The following PLA2R1 variants were observed in gnomAD, a reference collection of about 807,000 sequenced individuals.
The protein encoded by PLA2R1 is secretory phospholipase A2 receptor.
Under a neutral mutation model 195.9 loss-of-function variants are expected in PLA2R1, and 158 were observed. The observed-to-expected ratio is 0.81, with a 90% CI of 0.71 to 0.92. The LOEUF (loss-of-function observed/expected upper bound fraction) is 0.92. PLA2R1 is among the 40% of genes least tolerant of loss of function. PLA2R1 has a pLI of 0.00. For missense variants in PLA2R1, 1,626 were observed against 1,764.6 expected (o/e 0.92, Z 1.41); for synonymous variants, 586 against 598.2 (o/e 0.98, Z 0.30).
intron 11 of PLA2R1, among the ~76,000 whole-genome samples, chr2:159,995,867 A>C (rs1691176249): frequency 6.6e-6 from 1 of 152,050 alleles, no homozygotes; most frequent in Admixed American, 6.6e-5. Flanking sequence ...ATCCTACACC[A>C]CAGTGGTACA....
intron 3 of PLA2R1, among the ~76,000 whole-genome samples, chr2:160,038,785 T>A (rs1694331135): frequency 6.6e-6 from 1 of 152,186 alleles, no homozygotes; most frequent in African/African-American, 2.4e-5. Context: ...ATAGCATTGC[T>A]GAGCCATGTT....
At chr2:160,049,137 G>A (rs975113948) in intron 1 of PLA2R1, among the ~76,000 whole-genome samples, 8 of 152,116 alleles carry the variant, frequency 5.3e-5, no homozygotes, top group Admixed American at 6.5e-5. Context: ...CACCGCGCCC[G>A]GCCAGAAGAA....
At chr2:160,032,140 G>A (rs928819297) in intron 4 of PLA2R1, among the ~76,000 whole-genome samples, 2 of 152,220 alleles carry the variant, frequency 1.3e-5, no homozygotes, top group Non-Finnish European at 2.9e-5. Context: ...TGTTTTTGCA[G>A]AGAAACACAG....
chr2:160,059,267 C>T (rs1695788794), intron 1 of PLA2R1, among the ~76,000 whole-genome samples: 1 of 152,182 alleles, frequency 6.6e-6, no homozygotes, highest in African/African-American at 2.4e-5. Flanking sequence ...AGGCCACAAA[C>T]TGGTAGGTGG....
chr2:160,011,282 T>A (rs1018004920), intron 10 of PLA2R1, among the ~76,000 whole-genome samples: 3 of 152,212 alleles, frequency 2.0e-5, no homozygotes, highest in African/African-American at 7.2e-5. Flanking sequence ...ATCTGTAATG[T>A]CACTGTGAGT....
intron 17 of PLA2R1, among the ~76,000 whole-genome samples, chr2:159,971,827 A>G (rs1689210056): frequency 1.3e-5 from 2 of 152,202 alleles, no homozygotes; most frequent in Admixed American, 1.3e-4. Context: ...TCTAATTTAT[A>G]AACAGGTATT....
intron 3 of PLA2R1, among the ~76,000 whole-genome samples, chr2:160,035,106 A>C (rs559504127): frequency 6.6e-6 from 1 of 152,318 alleles, no homozygotes; most frequent in African/African-American, 2.4e-5. Flanking sequence ...ATGTATATGC[A>C]AATATCCTAA....
chr2:159,954,465 C>T (rs1251931061), intron 23 of PLA2R1, among the ~76,000 whole-genome samples: 1 of 151,610 alleles, frequency 6.6e-6, no homozygotes, highest in Non-Finnish European at 1.5e-5. Context: ...ACATTAGAGA[C>T]TTCACACGTA....
At position 160,056,040 on chromosome 2, in the gene PLA2R1, C is replaced by A. The variant is rs557800041; in HGVS notation, c.109+6255G>T. 1.4e-4 allele frequency among the ~76,000 whole-genome samples: 22 copies of A among 152,196 alleles called. 1 individual carries two copies. The South Asian group carries it at 4.6e-3, about 32-fold the overall frequency. ...TCACCATGGCTTTGATACCAGCAGA[C>A]TCCCCGCTATTCTCCACACCCCAAA... On this transcript the variant is annotated intron_variant, in intron 1 of 29. Coordinates refer to ENST00000283243, the MANE Select transcript of PLA2R1 (RefSeq NM_007366.5).
chr2:159,946,734 T>C (rs1687407780), intron 27 of PLA2R1, 67 bp downstream of exon 27: 1 of 1,488,234 alleles, frequency 6.7e-7, no homozygotes, highest in South Asian at 1.4e-5. Flanking sequence ...GGCTCACAGA[T>C]GCCATTATCA....
At position 160,005,660 on chromosome 2, in the gene PLA2R1, T is replaced by C. The variant is rs762241008; in HGVS notation, c.1826A>G (p.His609Arg). The C allele has an allele frequency of 6.2e-7, 1 of 1,613,338 alleles. No homozygotes were observed. Among genetic ancestry groups the C allele is most frequent in the Admixed American group, 1.7e-5 (1 of 59,936 alleles). ...CAGCACACTCTACTCACGCGGCTGGTGTGTGTTCCAGTGTGTGTACTGCAC... is the reference window on the plus strand; with the variant it reads ...CAGCACACTCTACTCACGCGGCTGGCGTGTGTTCCAGTGTGTGTACTGCAC... ...EPVQYTHWNT[H>R]QPRYSGGCVA... The change falls in exon 11 of 30, where the codon CAC (histidine) becomes CGC (arginine). Residue 609 changes from histidine (H) to arginine (R), a missense_variant. His to Arg is a conservative substitution (Grantham distance 29). Transcript: ENST00000283243.
chr2:159,974,095 T>C (rs1689374693), intron 17 of PLA2R1, among the ~76,000 whole-genome samples: 3 of 152,140 alleles, frequency 2.0e-5, no homozygotes, highest in African/African-American at 7.2e-5. Context: ...AGCTAAGCTC[T>C]GTTGGAAAGA....
At chr2:159,947,031 C>A in intron 26 of PLA2R1, 114 bp from the exon 27 acceptor site, 1 of 700,858 alleles carries the variant, frequency 1.4e-6, no homozygotes, top group Non-Finnish European at 2.4e-6. Context: ...TGAAAATTTC[C>A]ATTATAAAGA....
intron 10 of PLA2R1, among the ~76,000 whole-genome samples, chr2:160,012,622 ATG>A (rs56341711): frequency 0.55 from 84,095 of 151,782 alleles, 23,652 homozygotes; most frequent in East Asian, 0.6. Flanking sequence ...TTGTTAAATA[ATG>A]TGTTTTGGCT....
Position 159,981,696 on chromosome 2 carries a change from C to A in PLA2R1, c.2184-1782G>T, listed in dbSNP as rs556040615. Among the ~76,000 whole-genome samples the A allele has an allele frequency of 2.2e-4, 33 of 152,214 alleles. 1 individual carries two copies. In the South Asian group the frequency reaches 6.9e-3, roughly 32 times the overall value. On this transcript the variant is annotated intron_variant, in intron 13 of 29. Transcript: ENST00000283243. ...CTGGGATTACAGGTGTGGGTCACTG[C>A]ACCCAGTCAAGAATTTTTAAATATT... is the stretch of plus-strand genomic sequence containing the variant.
intron 2 of PLA2R1, among the ~76,000 whole-genome samples, chr2:160,044,449 T>G (rs1045294610): frequency 5.3e-5 from 8 of 152,178 alleles, no homozygotes; most frequent in African/African-American, 1.9e-4. Flanking sequence ...GATCTTTTCC[T>G]TCCACCGTCC....
Position 159,933,885 on chromosome 2 carries a change from G to A in PLA2R1, c.*7893C>T, listed in dbSNP as rs1036709330. 5 of 152,256 alleles carry A rather than the reference G, an allele frequency of 3.3e-5. No individual in the cohort carries two copies. The South Asian group carries it at 6.2e-4, about 19-fold the overall frequency. The allele number at this position is 152,256 out of a possible 1,614,324, so 9.4% of individuals were successfully genotyped here. On this transcript the variant is annotated 3_prime_UTR_variant, in exon 30 of 30. Transcript: ENST00000283243. ...ATATTTTAGGCTTTGCAGGCCATTC[G>A]GTCTCTGTTGCAACCACTCAGCTCT...
chr2:160,057,039 C>G (rs567200260), intron 1 of PLA2R1, among the ~76,000 whole-genome samples: 1 of 152,246 alleles, frequency 6.6e-6, no homozygotes, highest in African/African-American at 2.4e-5. Flanking sequence ...TCTACCATGG[C>G]CAATTAGCCA....
chr2:159,938,059 G>GAA lies in PLA2R1; in HGVS notation c.*3717_*3718dup, dbSNP rs2125909451. Reference sequence around the variant, plus strand: ...GTGCTCTCAGGTAAATCAGTTTTAAGAAAAAATATACATGAAGATTCTGGA... The same window carrying GAA: ...GTGCTCTCAGGTAAATCAGTTTTAAGAAAAAAAATATACATGAAGATTCTGGA... On this transcript the variant is annotated 3_prime_UTR_variant, in exon 30 of 30. Transcript: ENST00000283243. 1 of 152,294 alleles carries GAA rather than the reference G, an allele frequency of 6.6e-6. No homozygotes were observed. The highest frequency in any genetic ancestry group is 2.1e-4 in the South Asian group (1 of 4,822). The allele number at this position is 152,294 out of a possible 1,614,324, so 9.4% of individuals were successfully genotyped here.
Sources: allele counts gnomAD v4.1 joint callset (sites outside exome capture counted in the v4.1 genomes callset), GRCh38; gene constraint gnomAD v4.1.1; transcripts MANE v1.5; gene names NCBI Gene and HGNC (gene_info 2026-07-23, HGNC 2026-07-21).